OR9Q1: variants seen among roughly 807,000 people sequenced by gnomAD.
OR9Q1 encodes olfactory receptor 9Q1.
For missense variants in OR9Q1, 374 were observed against 378.8 expected (o/e 0.99, Z 0.11); for synonymous variants, 153 against 148.6 (o/e 1.03, Z -0.22).
intron 2 of OR9Q1, among the ~76,000 whole-genome samples, chr11:58,062,969 C>T (rs1853395053): frequency 6.6e-6 from 1 of 152,254 alleles, no homozygotes; most frequent in African/African-American, 2.4e-5. Context: ...TGAGTTCATG[C>T]TTGCCTTCTC....
intron 2 of OR9Q1, chr11:58,077,364 A>T (rs538805762): frequency 6.6e-6 from 1 of 152,280 alleles, no homozygotes; most frequent in South Asian, 2.1e-4. Flanking sequence ...CCTCTCAAAA[A>T]CCCAGAAGTT....
At chr11:58,028,939 C>T (rs1372265135) in intron 1 of OR9Q1, among the ~76,000 whole-genome samples, 1 of 152,158 alleles carries the variant, frequency 6.6e-6, no homozygotes, top group Non-Finnish European at 1.5e-5. Context: ...CCTTGGCAAA[C>T]CTGGATTCAA....
intron 2 of OR9Q1, among the ~76,000 whole-genome samples, chr11:58,093,840 A>G (rs944207517): frequency 6.6e-6 from 1 of 151,960 alleles, no homozygotes; most frequent in Non-Finnish European, 1.5e-5. Flanking sequence ...CTTATACACT[A>G]TTAGTGTGAA....
intron 2 of OR9Q1, among the ~76,000 whole-genome samples, chr11:58,112,152 G>T (rs1170695558): frequency 6.6e-6 from 1 of 152,098 alleles, no homozygotes; most frequent in African/African-American, 2.4e-5. Context: ...AATTAGCCAG[G>T]TGTGGTGGCC....
At chr11:58,121,765 T>G (rs1202507876) in intron 2 of OR9Q1, among the ~76,000 whole-genome samples, 1 of 152,208 alleles carries the variant, frequency 6.6e-6, no homozygotes, top group Non-Finnish European at 1.5e-5. Flanking sequence ...TGTGGCAACA[T>G]GGGGATTGCT....
intron 2 of OR9Q1, among the ~76,000 whole-genome samples, chr11:58,168,034 C>A (rs1477656663): frequency 6.6e-6 from 1 of 152,102 alleles, no homozygotes; most frequent in Non-Finnish European, 1.5e-5. Context: ...ACACGGCAAC[C>A]AAATAACATT....
chr11:58,111,277 T>C lies in OR9Q1; in HGVS notation c.-15+55330T>C, dbSNP rs868092663. Among the ~76,000 whole-genome samples the C allele has an allele frequency of 6.6e-5, 10 of 152,266 alleles. No homozygotes were observed. The Middle Eastern group carries it at 0.01, about 155-fold the overall frequency. ...AGAATGGAAGGGAGTCCTAGAGTAC[T>C]GAATTTAAGGAGATGCTCAGGACCT... is the stretch of plus-strand genomic sequence containing the variant. On this transcript the variant is annotated intron_variant, in intron 2 of 2. Transcript: ENST00000335397.
At chr11:58,165,539 T>C (rs1854492730) in intron 2 of OR9Q1, among the ~76,000 whole-genome samples, 1 of 152,232 alleles carries the variant, frequency 6.6e-6, no homozygotes, top group Non-Finnish European at 1.5e-5. Context: ...TGCTGTTTTT[T>C]GGAAGCGCAC....
At chr11:58,124,444 T>C (rs1248598616) in intron 2 of OR9Q1, 2 of 152,190 alleles carry the variant, frequency 1.3e-5, no homozygotes, top group Non-Finnish European at 1.5e-5. Flanking sequence ...TTACTTTAAC[T>C]TGGGATGTTC....
intron 2 of OR9Q1, among the ~76,000 whole-genome samples, chr11:58,178,275 A>C (rs75170273): frequency 6.6e-6 from 1 of 152,202 alleles, no homozygotes; most frequent in Non-Finnish European, 1.5e-5. Flanking sequence ...TAAAAAGACA[A>C]ATATTTAAGG....
At chr11:58,042,714 T>C (rs1291994820) in intron 1 of OR9Q1, among the ~76,000 whole-genome samples, 1 of 152,204 alleles carries the variant, frequency 6.6e-6, no homozygotes, top group Non-Finnish European at 1.5e-5. Context: ...GGGATGGCAT[T>C]GAATCTATAA....
At chr11:58,106,762 A>C (rs1853844378) in intron 2 of OR9Q1, among the ~76,000 whole-genome samples, 1 of 152,084 alleles carries the variant, frequency 6.6e-6, no homozygotes, top group African/African-American at 2.4e-5. Context: ...CTTTTCCCTC[A>C]TTGTGTATTC....
At position 58,045,648 on chromosome 11, in the gene OR9Q1, A is replaced by G. The variant is rs181792628; in HGVS notation, c.-92-10222A>G. On this transcript the variant is annotated intron_variant, in intron 1 of 2. Transcript: ENST00000335397. The stretch of plus-strand genomic sequence containing the variant: ...TGACAAGTGCTAGTGAGCTGGGATC[A>G]TATTCCGAAGTGTTAACTGAAGAGT... Among the ~76,000 whole-genome samples, 9 of 152,344 alleles carry G rather than the reference A, an allele frequency of 5.9e-5. No individual in the cohort carries two copies. The East Asian group carries it at 1.7e-3, about 29-fold the overall frequency.
chr11:58,108,828 G>A, intron 2 of OR9Q1: 1 of 345,824 alleles, frequency 2.9e-6, no homozygotes, highest in South Asian at 2.3e-5. Context: ...TGATTACAGT[G>A]TAAAAGACAG....
intron 2 of OR9Q1, among the ~76,000 whole-genome samples, chr11:58,135,261 T>C (rs1382546619): frequency 6.6e-6 from 1 of 152,182 alleles, no homozygotes; most frequent in Non-Finnish European, 1.5e-5. Context: ...TTTATTCAAC[T>C]AGAAAATGGC....
intron 2 of OR9Q1, among the ~76,000 whole-genome samples, chr11:58,069,482 G>T (rs1025077121): frequency 6.6e-6 from 1 of 152,070 alleles, no homozygotes; most frequent in Non-Finnish European, 1.5e-5. Context: ...TGAGTACAAG[G>T]CTACCTAAAT....
At chr11:58,124,072 C>T (rs1270817749) in intron 2 of OR9Q1, among the ~76,000 whole-genome samples, 1 of 152,080 alleles carries the variant, frequency 6.6e-6, no homozygotes, top group Non-Finnish European at 1.5e-5. Context: ...TTCAGACAGG[C>T]AATTTCCAAA....
chr11:58,162,785 C>T (rs1291344755), intron 2 of OR9Q1, among the ~76,000 whole-genome samples: 1 of 152,126 alleles, frequency 6.6e-6, no homozygotes, highest in Non-Finnish European at 1.5e-5. Flanking sequence ...TAACCTTCAT[C>T]CCTCCTACCC....
intron 2 of OR9Q1, among the ~76,000 whole-genome samples, chr11:58,143,109 G>A (rs566579268): frequency 3.9e-5 from 6 of 152,286 alleles, no homozygotes; most frequent in South Asian, 4.2e-4. Context: ...ACTCCAGGTG[G>A]CTGTGGACTT....
Sources: allele counts gnomAD v4.1 joint callset (sites outside exome capture counted in the v4.1 genomes callset), GRCh38; gene constraint gnomAD v4.1.1; transcripts MANE v1.5; gene names NCBI Gene and HGNC (gene_info 2026-07-23, HGNC 2026-07-21).